Variants in ARHGAP44 observed in about 807,000 individuals in gnomAD.
ARHGAP44 encodes Rho GTPase activating protein 44.
Under a neutral mutation model 106.8 loss-of-function variants are expected in ARHGAP44, and 43 were observed. The ratio of observed to expected loss-of-function variants is 0.40; its 90% CI spans 0.32 to 0.52. The LOEUF is 0.52. ARHGAP44 is among the 20% of genes least tolerant of loss of function. ARHGAP44 has a pLI of 0.48. For missense variants in ARHGAP44, 866 were observed against 1,050.5 expected (o/e 0.82, Z 2.43); for synonymous variants, 439 against 410.3 (o/e 1.07, Z -0.85).
At chr17:12,962,368 A>C (rs2039284369) in intron 16 of ARHGAP44, among the ~76,000 whole-genome samples, 1 of 152,122 alleles carries the variant, frequency 6.6e-6, no homozygotes, top group Non-Finnish European at 1.5e-5. Flanking sequence ...TTACATATAC[A>C]TTTTTCATCA....
chr17:12,969,977 C>G (rs1260539007), intron 16 of ARHGAP44, among the ~76,000 whole-genome samples: 5 of 152,074 alleles, frequency 3.3e-5, no homozygotes, highest in Admixed American at 6.6e-5. Context: ...TGAAAAATAC[C>G]CACGTTTCCA....
At chr17:12,965,469 T>A (rs909454728) in intron 16 of ARHGAP44, among the ~76,000 whole-genome samples, 3 of 152,208 alleles carry the variant, frequency 2.0e-5, no homozygotes, top group Non-Finnish European at 2.9e-5. Context: ...CCTGTGGACT[T>A]TAATCTAGAT....
rs752764904 is a variant in ARHGAP44, at chr17:12,990,113, G to T, written c.2399G>T (p.Arg800Leu). ...CTGAGTCCCCTGGAGCACATGCGGC[G>T]ACACTCAGTAACTGACAAGAGGGAC... ...LRLSPLEHMR[R>L]HSVTDKRDSE... The change falls in exon 21 of 21, where the codon CGA becomes CTA. Residue 800 changes from arginine (R) to leucine (L), a missense_variant. Coordinates refer to ENST00000379672, the MANE Select transcript of ARHGAP44 (RefSeq NM_014859.6). 3 of 1,613,340 alleles carry T rather than the reference G, an allele frequency of 1.9e-6. No homozygotes were observed. Among genetic ancestry groups the T allele is most frequent in the Admixed American group, 3.3e-5 (2 of 60,000 alleles).
Position 12,963,046 on chromosome 17 carries a change from C to CAAAAAAAA in ARHGAP44, c.1523+4166_1523+4173dup, listed in dbSNP as rs71369355. On this transcript the variant is annotated intron_variant, in intron 16 of 20. Transcript: ENST00000379672. Reference sequence around the variant, plus strand: ...GGGCAACAGGAGTGAAACACCATCTCAAAAAAAAAAAAAAAAAAAAAAAAG... The same window carrying CAAAAAAAA: ...GGGCAACAGGAGTGAAACACCATCTCAAAAAAAAAAAAAAAAAAAAAAAAAAAAAAAAG... Among the ~76,000 whole-genome samples, 4 of 70,958 alleles carry CAAAAAAAA rather than the reference C, an allele frequency of 5.6e-5. 1 individual carries two copies. Among genetic ancestry groups the CAAAAAAAA allele is most frequent in the Non-Finnish European group, 1.0e-4 (4 of 38,234 alleles). The allele number at this position is 70,958 out of a possible 152,430, so 46.6% of individuals were successfully genotyped here. A position where few individuals can be genotyped will look rare whatever the true frequency, so the allele number is the denominator to read the frequency against.
At chr17:12,943,828 CG>C (rs2038769615) in intron 9 of ARHGAP44, among the ~76,000 whole-genome samples, 159 bp downstream of exon 9, 2 of 152,218 alleles carry the variant, frequency 1.3e-5, no homozygotes, top group South Asian at 4.2e-4. Context: ...TGCCTTGAGT[CG>C]GGGGTGCGTA....
At chr17:12,894,241 A>AGAGAGT (rs72496069) in intron 1 of ARHGAP44, among the ~76,000 whole-genome samples, 7 of 148,096 alleles carry the variant, frequency 4.7e-5, no homozygotes, top group Admixed American at 3.4e-4. Flanking sequence ...AGAGAGAGAG[A>AGAGAGT]GTGTGTGTGT....
intron 4 of ARHGAP44, among the ~76,000 whole-genome samples, chr17:12,914,932 A>G (rs1038621858): frequency 3.3e-5 from 5 of 152,246 alleles, no homozygotes; most frequent in Non-Finnish European, 5.9e-5. Context: ...ATGGGGACAC[A>G]TACATGTAGA....
At chr17:12,847,421 G>C (rs565544952) in intron 1 of ARHGAP44, among the ~76,000 whole-genome samples, 1 of 151,906 alleles carries the variant, frequency 6.6e-6, no homozygotes, top group Admixed American at 6.6e-5. Context: ...TCGGGGAGAG[G>C]GTTCTCTTTG....
At chr17:12,930,820 C>G (rs2038376854) in intron 7 of ARHGAP44, among the ~76,000 whole-genome samples, 1 of 152,128 alleles carries the variant, frequency 6.6e-6, no homozygotes, top group African/African-American at 2.4e-5. Flanking sequence ...AAGAAAAACA[C>G]TAATATTCTC....
intron 16 of ARHGAP44, among the ~76,000 whole-genome samples, chr17:12,969,049 G>A (rs1187068277): frequency 6.6e-6 from 1 of 152,160 alleles, no homozygotes; most frequent in Non-Finnish European, 1.5e-5. Context: ...GATTATAGGT[G>A]TGAGCCACTG....
At chr17:12,797,433 C>T (rs1473255214) in intron 1 of ARHGAP44, among the ~76,000 whole-genome samples, 1 of 152,150 alleles carries the variant, frequency 6.6e-6, no homozygotes, top group Non-Finnish European at 1.5e-5. Flanking sequence ...ATTTCATCTA[C>T]TTTTATCTTT....
At chr17:12,919,677 C>T (rs772477216) in intron 5 of ARHGAP44, 78 bp from the exon 6 acceptor site, 101 of 1,324,698 alleles carry the variant, frequency 7.6e-5, no homozygotes, top group African/African-American at 6.2e-4. Flanking sequence ...TGAGCCACCG[C>T]GCCTGGCCAG....
chr17:12,813,214 G>A lies in ARHGAP44; in HGVS notation c.53+23323G>A, dbSNP rs539031617. Among the ~76,000 whole-genome samples, 8 of 152,162 alleles carry A rather than the reference G, an allele frequency of 5.3e-5. No individual in the cohort carries two copies. In the East Asian group the frequency reaches 1.4e-3, roughly 26 times the overall value. On this transcript the variant is annotated intron_variant, in intron 1 of 20. Coordinates refer to ENST00000379672, the MANE Select transcript of ARHGAP44 (RefSeq NM_014859.6). ...AGGAGAGTCGGGAAGGAAATTGAAC[G>A]GTTTTCTCACAACAGTCTGACCCTA... is the stretch of plus-strand genomic sequence containing the variant.
intron 16 of ARHGAP44, among the ~76,000 whole-genome samples, chr17:12,959,628 C>T (rs1350738735): frequency 1.3e-5 from 2 of 152,318 alleles, no homozygotes; most frequent in African/African-American, 4.8e-5. Flanking sequence ...CCATGGCAAC[C>T]AGAGGACGTG....
In ARHGAP44 at chr17:12,934,136, C is replaced by T. The variant is rs150787428; in HGVS notation, c.582+5090C>T. On this transcript the variant is annotated intron_variant, in intron 7 of 20. Transcript: ENST00000379672. ...TGCTGGGATTACAGGCGTGAGCCAC[C>T]GTGCCTGGTCATCACATAAATTCTT... Among the ~76,000 whole-genome samples, 21 of 152,320 alleles carry T rather than the reference C, an allele frequency of 1.4e-4. No individual in the cohort carries two copies. In the East Asian group the frequency reaches 2.3e-3, roughly 17 times the overall value.
At chr17:12,887,063 A>G (rs1237670851) in intron 1 of ARHGAP44, among the ~76,000 whole-genome samples, 1 of 134,786 alleles carries the variant, frequency 7.4e-6, no homozygotes, top group Non-Finnish European at 1.6e-5. Flanking sequence ...TTTCTTCCTT[A>G]CTCTTTTAAT....
chr17:12,895,061 G>A, intron 2 of ARHGAP44, 82 bp downstream of exon 2: 7 of 1,377,970 alleles, frequency 5.1e-6, no homozygotes, highest in East Asian at 2.5e-5. Flanking sequence ...AACCCAGGAG[G>A]TGGAGGTTGT....
At chr17:12,973,958 T>C (rs1250485426) in intron 17 of ARHGAP44, 131 bp from the exon 18 acceptor site, 1 of 993,328 alleles carries the variant, frequency 1.0e-6, no homozygotes, top group Non-Finnish European at 1.5e-6. Flanking sequence ...ATGCATCGCT[T>C]CCCGGGCCCC....
chr17:12,905,776 T>G (rs1598031347), intron 3 of ARHGAP44, among the ~76,000 whole-genome samples: 2 of 152,366 alleles, frequency 1.3e-5, no homozygotes, highest in East Asian at 3.9e-4. Context: ...AGTCTTGTCC[T>G]GATGGCAGGT....
Sources: allele counts gnomAD v4.1 joint callset (sites outside exome capture counted in the v4.1 genomes callset), GRCh38; gene constraint gnomAD v4.1.1; transcripts MANE v1.5; gene names NCBI Gene and HGNC (gene_info 2026-07-23, HGNC 2026-07-21).